Variants in FER1L6 observed in about 807,000 individuals in gnomAD.
The protein encoded by FER1L6 is fer-1-like protein 6.
Under a neutral mutation model 219.2 loss-of-function variants are expected in FER1L6, and 177 were observed. The ratio of observed to expected loss-of-function variants is 0.81; its 90% confidence interval spans 0.71 to 0.91. The LOEUF (loss-of-function observed/expected upper bound fraction) is 0.91, where lower values mean the gene tolerates loss of function less well. Among genes scored for constraint, FER1L6 ranks in the 40% least tolerant of loss-of-function variants. The pLI, the probability that FER1L6 is intolerant of heterozygous loss-of-function variation, is 0.00. For synonymous variants in FER1L6, 768 were observed against 824.3 expected (o/e 0.93, Z 1.17); for missense variants, 2,153 against 2,259.9 (o/e 0.95, Z 0.96).
chr8:123,983,699 TA>T (rs569363492), intron 11 of FER1L6, among the ~76,000 whole-genome samples: 201 of 152,328 alleles, frequency 1.3e-3, no homozygotes, highest in African/African-American at 4.7e-3. Flanking sequence ...GTAAGTGACT[TA>T]ACATTCCTAT....
intron 1 of FER1L6, among the ~76,000 whole-genome samples, chr8:123,902,150 T>G (rs1467708595): frequency 1.3e-5 from 2 of 152,224 alleles, no homozygotes; most frequent in African/African-American, 4.8e-5. Context: ...TCCAGTTTTA[T>G]TCCACTGTGG....
chr8:124,002,319 C>G (rs1653667777), intron 12 of FER1L6, among the ~76,000 whole-genome samples: 2 of 152,096 alleles, frequency 1.3e-5, no homozygotes, highest in Non-Finnish European at 2.9e-5. Context: ...TGCAGGGAGA[C>G]AGAGTAGTGA....
In FER1L6 at chr8:124,045,909, TC is replaced by T. The variant is rs1390225209; in HGVS notation, c.2724+13del. On this transcript the variant is annotated intron_variant, in intron 21 of 40. Transcript: ENST00000522917. ...TATGACAGCGACGCTGTGGTGAGTGTCCCCCTGGGCCAGTGCTGACCACACC... is the reference window on the plus strand; with the variant it reads ...TATGACAGCGACGCTGTGGTGAGTGTCCCCTGGGCCAGTGCTGACCACACC... The T allele has an allele frequency of 3.7e-6, 6 of 1,613,304 alleles. No individual in the cohort carries two copies. The highest frequency in any genetic ancestry group is 5.1e-6 in the Non-Finnish European group (6 of 1,179,848).
chr8:123,975,867 GC>G (rs1816045992), intron 8 of FER1L6, 30 bp from the exon 9 acceptor site: 7 of 1,505,668 alleles, frequency 4.6e-6, no homozygotes, highest in African/African-American at 4.2e-5. Flanking sequence ...AATTGAGAGA[GC>G]TTTTTCATTT....
chr8:124,093,840 T>C (rs1465335730), intron 34 of FER1L6, among the ~76,000 whole-genome samples: 1 of 152,096 alleles, frequency 6.6e-6, no homozygotes, highest in Non-Finnish European at 1.5e-5. Context: ...TAGGTATTTA[T>C]ATTTATGGGA....
At chr8:124,000,400 T>A (rs553404497) in intron 12 of FER1L6, among the ~76,000 whole-genome samples, 2 of 152,306 alleles carry the variant, frequency 1.3e-5, no homozygotes, top group African/African-American at 4.8e-5. Context: ...TATGAAGAGT[T>A]GTTTAATTTG....
At chr8:123,911,908 G>A (rs79123234) in intron 1 of FER1L6, among the ~76,000 whole-genome samples, 1 of 152,274 alleles carries the variant, frequency 6.6e-6, no homozygotes, top group East Asian at 1.9e-4. Context: ...CCTTCCTGGG[G>A]GGAACAGCTG....
At chr8:123,994,264 T>C (rs1757397851) in intron 12 of FER1L6, among the ~76,000 whole-genome samples, 2 of 152,092 alleles carry the variant, frequency 1.3e-5, no homozygotes, top group Admixed American at 1.3e-4. Context: ...TCAGTGTGGG[T>C]GGAGGCTCAA....
chr8:123,956,688 C>T (rs796270346), intron 2 of FER1L6, among the ~76,000 whole-genome samples: 5 of 152,138 alleles, frequency 3.3e-5, no homozygotes, highest in South Asian at 2.1e-4. Context: ...AGAGGGTGAC[C>T]GCAGAGCTTA....
chr8:123,967,686 AG>A (rs1178479565), intron 5 of FER1L6, among the ~76,000 whole-genome samples: 2 of 152,214 alleles, frequency 1.3e-5, no homozygotes, highest in Non-Finnish European at 2.9e-5. Flanking sequence ...GGCCAGATGC[AG>A]TGGCTCACAC....
intron 1 of FER1L6, among the ~76,000 whole-genome samples, chr8:123,887,081 T>C (rs1817217178): frequency 6.6e-6 from 1 of 152,174 alleles, no homozygotes; most frequent in Non-Finnish European, 1.5e-5. Context: ...CAGGCTGTGA[T>C]TCATCAGATT....
chr8:124,110,413 C>A (rs1419962113), intron 39 of FER1L6, among the ~76,000 whole-genome samples: 3 of 152,154 alleles, frequency 2.0e-5, no homozygotes, highest in Non-Finnish European at 4.4e-5. Flanking sequence ...GAGTCCTAAC[C>A]ACTGTGCCAT....
intron 37 of FER1L6, 30 bp downstream of exon 37, chr8:124,097,913 A>G (rs1822378796): frequency 8.6e-7 from 1 of 1,157,438 alleles, no homozygotes; most frequent in Admixed American, 1.7e-5. Context: ...CCAACCTCCC[A>G]TTTCCTTCCC....
chr8:124,002,359 G>A (rs920425891), intron 12 of FER1L6, among the ~76,000 whole-genome samples: 2 of 152,128 alleles, frequency 1.3e-5, no homozygotes, highest in Non-Finnish European at 2.9e-5. Flanking sequence ...GGAAAGGCAG[G>A]GGTCAGGAAC....
intron 1 of FER1L6, among the ~76,000 whole-genome samples, chr8:123,947,924 C>CTACG (rs1016534297): frequency 2.0e-5 from 3 of 152,090 alleles, no homozygotes; most frequent in African/African-American, 7.2e-5. Flanking sequence ...AATGGAAGGC[C>CTACG]TACGGTGAGC....
chr8:123,946,996 C>G (rs1357834621), intron 1 of FER1L6, among the ~76,000 whole-genome samples: 1 of 151,918 alleles, frequency 6.6e-6, no homozygotes, highest in Non-Finnish European at 1.5e-5. Context: ...GAGAAATAGC[C>G]AACCAATAAA....
chr8:124,059,638 T>C (rs1419543939), intron 22 of FER1L6, among the ~76,000 whole-genome samples: 2 of 152,222 alleles, frequency 1.3e-5, no homozygotes, highest in Admixed American at 6.5e-5. Flanking sequence ...CAAGTTTTCA[T>C]CTGCCTTCAA....
chr8:124,039,733 T>C (rs1457574046), intron 19 of FER1L6, 149 bp from the exon 20 acceptor site: 1 of 975,428 alleles, frequency 1.0e-6, no homozygotes, highest in African/African-American at 1.6e-5. Context: ...GGACTTCCAT[T>C]CCTGTCTCAG....
At chr8:123,882,386 TAG>T (rs1195977550) in intron 1 of FER1L6, among the ~76,000 whole-genome samples, 1 of 152,162 alleles carries the variant, frequency 6.6e-6, no homozygotes, top group Non-Finnish European at 1.5e-5. Flanking sequence ...TAGTGAAGAA[TAG>T]AGTTAGGGTT....
Sources: allele counts gnomAD v4.1 joint callset (sites outside exome capture counted in the v4.1 genomes callset), GRCh38; gene constraint gnomAD v4.1.1; transcripts MANE v1.5; gene names NCBI Gene and HGNC (gene_info 2026-07-23, HGNC 2026-07-21).